The following SARS2 variants were observed in gnomAD, a reference collection of about 807,000 sequenced individuals.
SARS2 encodes the protein serine--tRNA ligase, mitochondrial.
A neutral mutation model predicts 66.8 loss-of-function variants in SARS2; 52 were observed. That is an observed-to-expected ratio of 0.78 (90% CI 0.62 to 0.98). The LOEUF is 0.98. SARS2 is among the 50% of genes least tolerant of loss of function. The pLI, the probability that SARS2 is intolerant of heterozygous loss-of-function variation, is 0.00. For missense variants in SARS2, 673 were observed against 706.3 expected, an observed-to-expected ratio of 0.95 and a Z score of 0.53; for synonymous variants, 306 against 281.4, an observed-to-expected ratio of 1.09 and a Z score of -0.87.
At chr19:38,918,302 G>A (rs1974454957) in intron 9 of SARS2, 120 bp downstream of exon 9, 1 of 1,161,750 alleles carries the variant, frequency 8.6e-7, no homozygotes, top group Non-Finnish European at 1.3e-6. Context: ...AGCCGTACAT[G>A]TTGGCCCTGG....
intron 1 of SARS2, among the ~76,000 whole-genome samples, chr19:38,928,703 T>G (rs905062060): frequency 1.3e-5 from 2 of 152,180 alleles, no homozygotes; most frequent in Non-Finnish European, 2.9e-5. Flanking sequence ...GGTCCCCTAC[T>G]TGGGATACTC....
Position 38,918,404 on chromosome 19 carries a change from A to T in SARS2, c.916+18T>A. The T allele has an allele frequency of 6.2e-7, 1 of 1,600,200 alleles. No individual in the cohort carries two copies. Among genetic ancestry groups the T allele is most frequent in the Non-Finnish European group, 8.6e-7 (1 of 1,168,842 alleles). ...CACATCACTCCTGCTCCTCCCCACCACCCACACAGGTCCTCACCTGCAAGC... is the reference window on the plus strand; with the variant it reads ...CACATCACTCCTGCTCCTCCCCACCTCCCACACAGGTCCTCACCTGCAAGC... On this transcript the variant is annotated intron_variant, in intron 9 of 15. Transcript: ENST00000221431.
At chr19:38,919,229 G>A (rs991999041) in intron 7 of SARS2, among the ~76,000 whole-genome samples, 1 of 152,224 alleles carries the variant, frequency 6.6e-6, no homozygotes, top group Non-Finnish European at 1.5e-5. Flanking sequence ...GGAGGTTGCA[G>A]TGAGCCAAGA....
chr19:38,918,935 G>T, intron 7 of SARS2, 122 bp from the exon 8 acceptor site: 1 of 952,666 alleles, frequency 1.0e-6, no homozygotes, highest in Non-Finnish European at 1.6e-6. Flanking sequence ...AGGGGCTGGC[G>T]CAGTGGCTCA....
At chr19:38,924,609 C>T (rs1974597729) in intron 2 of SARS2, among the ~76,000 whole-genome samples, 1 of 152,130 alleles carries the variant, frequency 6.6e-6, no homozygotes, top group African/African-American at 2.4e-5. Context: ...AACCTTGCCT[C>T]TCCCACTTCC....
chr19:38,924,737 G>C (rs2144777444), intron 2 of SARS2, among the ~76,000 whole-genome samples: 1 of 152,160 alleles, frequency 6.6e-6, no homozygotes, highest in South Asian at 2.1e-4. Context: ...TCAAACTCTT[G>C]GACTCAAGCG....
At chr19:38,918,350 T>A in intron 9 of SARS2, 72 bp downstream of exon 9, 1 of 1,412,162 alleles carries the variant, frequency 7.1e-7, no homozygotes, top group Non-Finnish European at 1.0e-6. Context: ...TCCCCCCCAG[T>A]GCTCCCTGGA....
At chr19:38,925,802 T>C (rs369579611) in intron 2 of SARS2, among the ~76,000 whole-genome samples, 57 of 152,242 alleles carry the variant, frequency 3.7e-4, no homozygotes, top group East Asian at 3.3e-3. Flanking sequence ...AGGTAATGCA[T>C]GTCCACATTG....
intron 2 of SARS2, among the ~76,000 whole-genome samples, chr19:38,923,872 G>A (rs1369519106): frequency 6.6e-6 from 1 of 152,138 alleles, no homozygotes; most frequent in Non-Finnish European, 1.5e-5. Flanking sequence ...TACTCGGGAG[G>A]CTGAGGCAGG....
intron 2 of SARS2, among the ~76,000 whole-genome samples, chr19:38,922,973 G>A (rs1330200404): frequency 1.3e-5 from 2 of 148,612 alleles, no homozygotes; most frequent in Admixed American, 6.8e-5. Context: ...GCGCGATCTT[G>A]GCTCACTGCA....
intron 2 of SARS2, 58 bp from the exon 3 acceptor site, chr19:38,922,325 G>A: frequency 6.4e-7 from 1 of 1,560,452 alleles, no homozygotes. Flanking sequence ...GTGGGGAAGA[G>A]AAAAAATGGT....
At chr19:38,929,873 CTTTTA>C (rs1346519548) in intron 1 of SARS2, among the ~76,000 whole-genome samples, 1 of 152,188 alleles carries the variant, frequency 6.6e-6, no homozygotes, top group African/African-American at 2.4e-5. Context: ...TCCTAATTCC[CTTTTA>C]TAAGTGCTAG....
At chr19:38,915,976 G>A in intron 14 of SARS2, 61 bp downstream of exon 14, 1 of 1,612,370 alleles carries the variant, frequency 6.2e-7, no homozygotes, top group Non-Finnish European at 8.5e-7. Context: ...AAGGTGGGTG[G>A]GTCTAGGGCG....
chr19:38,926,018 G>A (rs1974621021), intron 2 of SARS2, among the ~76,000 whole-genome samples, 187 bp downstream of exon 2: 2 of 152,198 alleles, frequency 1.3e-5, no homozygotes, highest in Non-Finnish European at 2.9e-5. Flanking sequence ...GTTTCACCAT[G>A]TTGCCCAGGC....
In SARS2 at chr19:38,930,715, G is replaced by T. The variant is rs765029955; in HGVS notation, c.22C>A (p.Arg8Ser). ...CGACGAGTCAGCAAAGGCCACAAGC[G>T]CCGCGCCATGGACGCAGCCATCTTG... The part of the protein sequence containing the change: MAASMAR[R>S]LWPLLTRRGF... The change falls in exon 1 of 16, where the codon CGC becomes AGC. Residue 8 changes from arginine (R) to serine (S), a missense_variant. By Grantham distance (110) the Arg-to-Ser change is moderately radical. Transcript: ENST00000221431. 1.9e-6 allele frequency: 3 copies of T among 1,613,478 alleles called. No individual in the cohort carries two copies. The highest frequency in any genetic ancestry group is 2.5e-6 in the Non-Finnish European group (3 of 1,180,028).
intron 5 of SARS2, 49 bp downstream of exon 5, chr19:38,921,343 C>A (rs1284770787): frequency 1.1e-5 from 17 of 1,600,196 alleles, no homozygotes; most frequent in Non-Finnish European, 1.5e-5. Context: ...GACCCCAGAA[C>A]CCCCACACCG....
intron 2 of SARS2, 35 bp from the exon 3 acceptor site, chr19:38,922,302 GAC>G: frequency 6.2e-7 from 1 of 1,610,926 alleles, no homozygotes; most frequent in Non-Finnish European, 8.5e-7. Flanking sequence ...TGATTAGGTT[GAC>G]AAAGTCGAGG....
intron 8 of SARS2, 98 bp downstream of exon 8, chr19:38,918,668 C>T: frequency 4.1e-6 from 6 of 1,465,698 alleles, no homozygotes; most frequent in Non-Finnish European, 5.6e-6. Flanking sequence ...CCCCCTCAAC[C>T]CAGCCCCAGG....
intron 1 of SARS2, 68 bp downstream of exon 1, chr19:38,930,402 C>G: frequency 6.6e-7 from 1 of 1,521,448 alleles, no homozygotes; most frequent in South Asian, 1.2e-5. Flanking sequence ...TGCCGGAGGG[C>G]ATCTTGCAAA....
Sources: gnomAD v4.1 joint callset for allele counts (sites outside exome capture counted in the v4.1 genomes callset) on GRCh38, gnomAD v4.1.1 for gene constraint, MANE v1.5 for transcripts, NCBI Gene and HGNC (gene_info 2026-07-23, HGNC 2026-07-21) for gene names.